ASIP: variants seen among roughly 807,000 people sequenced by gnomAD.
ASIP encodes agouti signaling protein.
ASIP carries 11 observed loss-of-function variants against 10.3 expected under a neutral mutation model. The ratio of observed to expected loss-of-function variants is 1.07; its 90% CI spans 0.68 to 1.78. ASIP has a LOEUF of 1.78. Ranked by LOEUF, ASIP falls within the 40% of genes most tolerant of loss-of-function variation. ASIP has a pLI of 0.00. For synonymous variants in ASIP, 70 were observed against 70.8 expected, an observed-to-expected ratio of 0.99 and a Z score of 0.06; for missense variants, 180 against 169.2, an observed-to-expected ratio of 1.06 and a Z score of -0.35.
intron 2 of ASIP, among the ~76,000 whole-genome samples, chr20:34,261,082 A>G (rs1038293168): frequency 2.0e-5 from 3 of 152,228 alleles, no homozygotes; most frequent in African/African-American, 7.2e-5. Flanking sequence ...AGGAGAATTA[A>G]GTAACTAGCA....
intron 1 of ASIP, among the ~76,000 whole-genome samples, chr20:34,207,208 CTGA>C (rs760460265): frequency 2.0e-5 from 3 of 152,118 alleles, no homozygotes; most frequent in South Asian, 2.1e-4. Flanking sequence ...AACATTACTG[CTGA>C]TATTTTCTAT....
intron 1 of ASIP, among the ~76,000 whole-genome samples, chr20:34,202,233 T>C (rs2034904513): frequency 6.6e-6 from 1 of 152,218 alleles, no homozygotes; most frequent in Non-Finnish European, 1.5e-5. Context: ...ATACCTGCAT[T>C]GTCCAACATG....
chr20:34,237,322 A>T (rs1003012898), upstream of ASIP, among the ~76,000 whole-genome samples: 11 of 152,002 alleles, frequency 7.2e-5, no homozygotes, highest in Non-Finnish European at 2.9e-5. Flanking sequence ...GATTGCTTAT[A>T]TTTATGTCTT....
intron 1 of ASIP, among the ~76,000 whole-genome samples, chr20:34,241,932 A>G (rs538708040): frequency 2.6e-5 from 4 of 152,358 alleles, no homozygotes; most frequent in African/African-American, 9.6e-5. Context: ...CATATTTATT[A>G]GAGATGAAAC....
chr20:34,262,717 T>C (rs1216165755), intron 2 of ASIP, 115 bp from the exon 3 acceptor site: 2 of 1,164,316 alleles, frequency 1.7e-6, no homozygotes, highest in African/African-American at 1.5e-5. Flanking sequence ...TCCAGCACGC[T>C]TCTTCTCCTC....
chr20:34,265,693 T>C lies in ASIP; in HGVS notation c.222+2800T>C, dbSNP rs376811406. On this transcript the variant is annotated intron_variant, in intron 3 of 3. Coordinates refer to ENST00000374954, the MANE Select transcript of ASIP (RefSeq NM_001672.3). ...GGCCGGGCACAGTGGCTCACACCTG[T>C]AATCCCAGCACTTTGGGAGGCCAAG... Among the ~76,000 whole-genome samples, 22 of 152,300 alleles carry C rather than the reference T, an allele frequency of 1.4e-4. 2 individuals are homozygous for C. The East Asian group carries it at 1.9e-3, about 13-fold the overall frequency.
At chr20:34,226,004 C>T (rs564487684) in intron 1 of ASIP, among the ~76,000 whole-genome samples, 144 of 152,070 alleles carry the variant, frequency 9.5e-4, no homozygotes, top group Non-Finnish European at 2.4e-4. Context: ...AGCGATTCTC[C>T]TGCCTCAGCC....
intron 1 of ASIP, among the ~76,000 whole-genome samples, chr20:34,235,435 A>C (rs1233391830): frequency 6.6e-6 from 1 of 150,766 alleles, no homozygotes; most frequent in Admixed American, 6.6e-5. Context: ...GTGAGACTCC[A>C]TCTCAAAAAC....
chr20:34,267,843 TA>T (rs3216535), intron 3 of ASIP, among the ~76,000 whole-genome samples: 17,367 of 147,456 alleles, frequency 0.12, 3,350 homozygotes, highest in African/African-American at 0.4. Context: ...TAACCATATT[TA>T]AAAAAAAAAA....
intron 3 of ASIP, among the ~76,000 whole-genome samples, chr20:34,268,360 G>A (rs2035824807): frequency 6.6e-6 from 1 of 152,146 alleles, no homozygotes; most frequent in African/African-American, 2.4e-5. Context: ...AGGGGTCGGA[G>A]AGGCAAGCAA....
rs201962613 is a variant in ASIP, at chr20:34,235,897, G to A, written c.-10-24468G>A. 6.5e-3 allele frequency among the ~76,000 whole-genome samples: 424 copies of A among 64,996 alleles called. 28 individuals carry two copies. The highest frequency in any genetic ancestry group is 7.8e-3 in the Non-Finnish European group (304 of 39,212). The allele number at this position is 64,996 out of a possible 152,430, so 42.6% of individuals were successfully genotyped here. On this transcript the variant is annotated intron_variant, in intron 1 of 3. Coordinates refer to the ASIP transcript ENST00000568305. ...AGGAAGGAAGGAAGGAAGGAAGGAA[G>A]GAAAGGAAGGAAGGAAGGAAGGAAG...
chr20:34,233,781 T>C (rs1189842602), intron 1 of ASIP, among the ~76,000 whole-genome samples: 1 of 152,164 alleles, frequency 6.6e-6, no homozygotes, highest in Non-Finnish European at 1.5e-5. Flanking sequence ...GCCACAATGA[T>C]GTGGCCACAA....
chr20:34,202,705 CCT>C (rs2034907748), intron 1 of ASIP, among the ~76,000 whole-genome samples: 1 of 152,030 alleles, frequency 6.6e-6, no homozygotes, highest in Admixed American at 6.6e-5. Flanking sequence ...CCACTTGCAC[CCT>C]GTTTCCATTT....
intron 1 of ASIP, among the ~76,000 whole-genome samples, chr20:34,224,804 C>T (rs1361252419): frequency 6.6e-6 from 1 of 151,670 alleles, no homozygotes; most frequent in East Asian, 1.9e-4. Context: ...GGGAAAAAAG[C>T]AAGGTCTAAT....
chr20:34,206,484 C>T (rs1391920391), intron 1 of ASIP, among the ~76,000 whole-genome samples: 1 of 152,222 alleles, frequency 6.6e-6, no homozygotes, highest in African/African-American at 2.4e-5. Flanking sequence ...TGATGACCTC[C>T]AGTTCCATCT....
chr20:34,246,574 C>T, intron 1 of ASIP: 1 of 764,022 alleles, frequency 1.3e-6, no homozygotes. Context: ...AAGCAATCCT[C>T]CCACCTCAGC....
chr20:34,258,685 A>ATATATATATATATATATATATATATG (rs1336922136), intron 1 of ASIP, among the ~76,000 whole-genome samples: 2 of 74,492 alleles, frequency 2.7e-5, no homozygotes, highest in African/African-American at 1.7e-4. Context: ...ATATATATAT[A>ATATATATATATATATATATATATATG]TATATACATA....
At chr20:34,227,122 A>T (rs1012573965) in intron 1 of ASIP, among the ~76,000 whole-genome samples, 1 of 152,218 alleles carries the variant, frequency 6.6e-6, no homozygotes, top group Non-Finnish European at 1.5e-5. Context: ...GTCTGCTAGA[A>T]CTAATAAATG....
chr20:34,258,674 C>CATATATATATATAT (rs772655085), intron 1 of ASIP, among the ~76,000 whole-genome samples: 544 of 12,140 alleles, frequency 0.045, 90 homozygotes, highest in Non-Finnish European at 0.055. Context: ...AGGGGGATGC[C>CATATATATATATAT]ATATATATAT....
Sources: gnomAD v4.1 joint callset for allele counts (sites outside exome capture counted in the v4.1 genomes callset) on GRCh38, gnomAD v4.1.1 for gene constraint, MANE v1.5 for transcripts, NCBI Gene and HGNC (gene_info 2026-07-23, HGNC 2026-07-21) for gene names.